FSTL1: variants seen among roughly 807,000 people sequenced by gnomAD.
The protein encoded by FSTL1 is follistatin like 1, also known as follistatin-related protein 1.
Under a neutral mutation model 45.9 loss-of-function variants are expected in FSTL1, and 24 were observed. The ratio of observed to expected loss-of-function variants is 0.52; its 90% CI spans 0.38 to 0.74. The LOEUF is 0.74. FSTL1 is among the 30% of genes least tolerant of loss of function. The probability of loss-of-function intolerance (pLI) is 0.00; values close to 1 mark genes in which losing one functional copy is unlikely to be tolerated. For synonymous variants in FSTL1, 120 were observed against 137.6 expected (o/e 0.87, Z 0.89); for missense variants, 340 against 381.8 (o/e 0.89, Z 0.91).
chr3:120,400,027 T>C (rs996309220), intron 9 of FSTL1, 68 bp from the exon 10 acceptor site: 21 of 988,194 alleles, frequency 2.1e-5, no homozygotes, highest in Non-Finnish European at 3.2e-5. Flanking sequence ...CGCCAAGATC[T>C]ACCTAGAGGC....
chr3:120,403,065 A>AC (rs1936858780), intron 8 of FSTL1, 147 bp from the exon 9 acceptor site: 4 of 715,776 alleles, frequency 5.6e-6, no homozygotes, highest in Non-Finnish European at 7.6e-6. Context: ...ACTACCATCA[A>AC]CCTAAAGAAT....
intron 2 of FSTL1, among the ~76,000 whole-genome samples, chr3:120,426,803 G>A (rs965989631): frequency 5.3e-5 from 8 of 152,120 alleles, no homozygotes; most frequent in Non-Finnish European, 7.4e-5. Flanking sequence ...GGCACAGGGC[G>A]TTTTTCCTCT....
At chr3:120,418,228 G>A (rs1937219569) in intron 2 of FSTL1, among the ~76,000 whole-genome samples, 1 of 152,094 alleles carries the variant, frequency 6.6e-6, no homozygotes, top group Non-Finnish European at 1.5e-5. Context: ...TTGTCTTATA[G>A]GGAAACCCTG....
intron 2 of FSTL1, among the ~76,000 whole-genome samples, chr3:120,418,429 G>T (rs1230023686): frequency 1.3e-5 from 2 of 152,140 alleles, no homozygotes; most frequent in African/African-American, 2.4e-5. Context: ...TATTATATGT[G>T]ATTTAAGCTC....
chr3:120,450,666 C>T lies in FSTL1; in HGVS notation c.63+18G>A. The T allele has an allele frequency of 6.5e-7, 1 of 1,547,856 alleles. No individual in the cohort carries two copies. The highest frequency in any genetic ancestry group is 2.5e-5 in the East Asian group (1 of 39,270). Reference sequence around the variant, plus strand: ...AGGCCCCGGGGACCGAGTTCGGACTCCTCGGCCCCTCGCCTACCTCGGCGC... The same window carrying T: ...AGGCCCCGGGGACCGAGTTCGGACTTCTCGGCCCCTCGCCTACCTCGGCGC... On this transcript the variant is annotated intron_variant, in intron 2 of 10. Transcript: ENST00000295633.
rs199556968 is a variant in FSTL1, at chr3:120,411,869, C to G, written c.283G>C (p.Asp95His). The G allele has an allele frequency of 6.2e-7, 1 of 1,614,018 alleles. No individual in the cohort carries two copies. The highest frequency in any genetic ancestry group is 8.5e-7 in the Non-Finnish European group (1 of 1,179,866). Residue 95 changes from aspartate (D) to histidine (H), a missense_variant, in exon 4 of 11, where the codon GAT becomes CAT. Physicochemically the swap from Asp to His is moderately conservative, Grantham distance 81 (BLOSUM62 -1). Transcript: ENST00000295633. ...CACACCTTACCTTTGCAGTGTCCAT[C>G]GTAATCAACCTGGATTTTGGATCCA... ...LTGSKIQVDY[D>H]GHCKEKKSVS...
At chr3:120,417,719 T>C (rs1247331683) in intron 2 of FSTL1, among the ~76,000 whole-genome samples, 1 of 152,188 alleles carries the variant, frequency 6.6e-6, no homozygotes, top group Non-Finnish European at 1.5e-5. Flanking sequence ...GCTGACGAGT[T>C]GTTCCCATGA....
In FSTL1 at chr3:120,412,817, T is replaced by TGCGC. The variant is rs1491195635; in HGVS notation, c.169-835_169-834insGCGC. ...AGGCAGGCAGGCAAACACACACACA[T>TGCGC]GTGCGCGCGCGCGCGCGCGCGCACA... On this transcript the variant is annotated intron_variant, in intron 3 of 10. Transcript: ENST00000295633. Among the ~76,000 whole-genome samples the TGCGC allele has an allele frequency of 1.5e-3, 128 of 87,622 alleles. 3 individuals are homozygous for TGCGC. The highest frequency in any genetic ancestry group is 9.0e-3 in the East Asian group (25 of 2,774). 57.5% of individuals were successfully genotyped at this position (87,622 alleles called of 152,430 possible).
At chr3:120,421,666 C>T (rs1240366783) in intron 2 of FSTL1, 2 of 152,244 alleles carry the variant, frequency 1.3e-5, no homozygotes, top group Admixed American at 6.5e-5. Context: ...TGTGTTGGTA[C>T]ATCCTGCATA....
At chr3:120,413,123 A>G (rs371178129) in intron 3 of FSTL1, among the ~76,000 whole-genome samples, 13 of 152,278 alleles carry the variant, frequency 8.5e-5, no homozygotes, top group Admixed American at 2.6e-4. Context: ...TTGGACTTCT[A>G]TGGTTTTTAA....
At chr3:120,397,763 CAA>C in intron 10 of FSTL1, among the ~76,000 whole-genome samples, 1 of 152,258 alleles carries the variant, frequency 6.6e-6, no homozygotes, top group East Asian at 1.9e-4. Context: ...GGTAAATACC[CAA>C]GAGAGCTGAC....
intron 2 of FSTL1, among the ~76,000 whole-genome samples, chr3:120,442,303 A>T (rs1937639490): frequency 6.6e-6 from 1 of 152,220 alleles, no homozygotes; most frequent in African/African-American, 2.4e-5. Context: ...ACAAGGCCAG[A>T]ATTCAAACTC....
intron 2 of FSTL1, among the ~76,000 whole-genome samples, chr3:120,434,719 T>A (rs1208988853): frequency 6.6e-6 from 1 of 152,196 alleles, no homozygotes; most frequent in East Asian, 1.9e-4. Flanking sequence ...GCTCTTCATG[T>A]CTCTCCCTAT....
In FSTL1 at chr3:120,396,391, C is replaced by A. The variant is rs1247252150; in HGVS notation, c.*561G>T. 6.5e-6 allele frequency: 1 copy of A among 153,360 alleles called. No individual in the cohort carries two copies. Among genetic ancestry groups the A allele is most frequent in the Non-Finnish European group, 1.5e-5 (1 of 68,686 alleles). 9.5% of individuals were successfully genotyped at this position (153,360 alleles called of 1,614,324 possible). On this transcript the variant is annotated 3_prime_UTR_variant, in exon 11 of 11. Transcript: ENST00000295633. ...AGTATCTGCATCATTTGGGTGTACCCTCCCAGAAACTCCATCCAAGTCTGA... is the reference window on the plus strand; with the variant it reads ...AGTATCTGCATCATTTGGGTGTACCATCCCAGAAACTCCATCCAAGTCTGA...
intron 7 of FSTL1, among the ~76,000 whole-genome samples, chr3:120,403,989 A>C (rs1446283256): frequency 2.7e-5 from 4 of 149,102 alleles, no homozygotes; most frequent in African/African-American, 9.9e-5. Context: ...AAAACAAAAA[A>C]CAAAACAAAC....
chr3:120,399,011 TG>T (rs1032560055), intron 10 of FSTL1, among the ~76,000 whole-genome samples: 3 of 152,208 alleles, frequency 2.0e-5, no homozygotes, highest in Non-Finnish European at 4.4e-5. Context: ...GATCAATAAA[TG>T]GGCAATTACT....
intron 2 of FSTL1, among the ~76,000 whole-genome samples, chr3:120,447,146 G>A (rs1937766220): frequency 6.6e-6 from 1 of 152,144 alleles, no homozygotes; most frequent in Non-Finnish European, 1.5e-5. Context: ...TCCACTGACT[G>A]AGCTTCAAGG....
At chr3:120,441,655 C>T (rs1160856416) in intron 2 of FSTL1, among the ~76,000 whole-genome samples, 1 of 152,122 alleles carries the variant, frequency 6.6e-6, no homozygotes, top group East Asian at 1.9e-4. Context: ...TGTGCAAACA[C>T]ACGTGTGTAC....
At chr3:120,450,444 C>G (rs1937862873) in intron 2 of FSTL1, among the ~76,000 whole-genome samples, 1 of 152,154 alleles carries the variant, frequency 6.6e-6, no homozygotes, top group Non-Finnish European at 1.5e-5. Flanking sequence ...CTCCTCCCCG[C>G]TCTCCCTCCA....
Sources: gnomAD v4.1 joint callset for allele counts (sites outside exome capture counted in the v4.1 genomes callset) on GRCh38, gnomAD v4.1.1 for gene constraint, MANE v1.5 for transcripts, NCBI Gene and HGNC (gene_info 2026-07-23, HGNC 2026-07-21) for gene names.